The following CTBS variants were observed in gnomAD, a reference collection of about 807,000 sequenced individuals.
The protein encoded by CTBS is chitobiase.
CTBS carries 35 observed loss-of-function variants against 44.3 expected under a neutral mutation model. That is an observed-to-expected ratio of 0.79 (90% CI 0.60 to 1.05). The LOEUF is 1.05. CTBS is among the 50% of genes least tolerant of loss of function. CTBS has a pLI of 0.00. For missense variants in CTBS, 458 were observed against 475.3 expected (o/e 0.96, Z 0.34); for synonymous variants, 143 against 168.0 (o/e 0.85, Z 1.15).
intron 4 of CTBS, among the ~76,000 whole-genome samples, chr1:84,564,308 T>C (rs1684648537): frequency 6.6e-6 from 1 of 152,198 alleles, no homozygotes; most frequent in African/African-American, 2.4e-5. Context: ...GTGTCATCTA[T>C]AGTGGGAGGA....
chr1:84,571,772 G>A (rs1647307457), intron 1 of CTBS, among the ~76,000 whole-genome samples: 1 of 152,170 alleles, frequency 6.6e-6, no homozygotes, highest in Non-Finnish European at 1.5e-5. Flanking sequence ...CATATAAAGG[G>A]GACCTGCTAG....
intron 6 of CTBS, among the ~76,000 whole-genome samples, chr1:84,557,933 G>A (rs553070722): frequency 3.0e-4 from 45 of 151,740 alleles, no homozygotes; most frequent in Non-Finnish European, 5.6e-4. Context: ...CCTTCAATGC[G>A]CACCAAAATG....
intron 4 of CTBS, among the ~76,000 whole-genome samples, chr1:84,565,540 C>A (rs1684683754): frequency 6.6e-6 from 1 of 152,072 alleles, no homozygotes; most frequent in East Asian, 1.9e-4. Flanking sequence ...ATGAGAATAC[C>A]TGATTAAGCC....
Position 84,563,425 on chromosome 1 carries a change from A to G in CTBS, c.796-7T>C. 6.7e-7 allele frequency: 1 copy of G among 1,487,482 alleles called. No individual in the cohort carries two copies. The highest frequency in any genetic ancestry group is 8.9e-7 in the Non-Finnish European group (1 of 1,121,116). The allele number at this position is 1,487,482 out of a possible 1,614,324, so 92.1% of individuals were successfully genotyped here. A position where few individuals can be genotyped will look rare whatever the true frequency, so the allele number is the denominator to read the frequency against. The stretch of plus-strand genomic sequence containing the variant: ...CAATGGTACAAACATGATCCTAGAA[A>G]TGCAAAAGTGCTCATGTTATATATT... On this transcript the variant is annotated splice_region_variant and splice_polypyrimidine_tract_variant and intron_variant, in intron 5 of 6. Transcript: ENST00000370630.
intron 6 of CTBS, among the ~76,000 whole-genome samples, chr1:84,562,720 T>C (rs1283752787): frequency 6.6e-6 from 1 of 152,232 alleles, no homozygotes; most frequent in Non-Finnish European, 1.5e-5. Context: ...AGTGTATTTC[T>C]TCAGGTTTCC....
Position 84,550,746 on chromosome 1 carries a change from A to C in CTBS, c.*4253T>G. On this transcript the variant is annotated 3_prime_UTR_variant, in exon 7 of 7. Transcript: ENST00000370630. ...CATGATATAATAAAGCCAAAGTAAA[A>C]TTTAGTAAAATTTTACTAGGAAGAA... The C allele has an allele frequency of 9.1e-7, 1 of 1,094,238 alleles. No individual in the cohort carries two copies. Among genetic ancestry groups the C allele is most frequent in the Non-Finnish European group, 1.1e-6 (1 of 896,298 alleles). 67.8% of individuals were successfully genotyped at this position (1,094,238 alleles called of 1,614,324 possible).
Position 84,565,992 on chromosome 1 carries a change from C to A in CTBS, c.546G>T (p.Trp182Cys). 1 of 1,560,692 alleles carries A rather than the reference C, an allele frequency of 6.4e-7. No individual in the cohort carries two copies. The highest frequency in any genetic ancestry group is 1.9e-5 in the Admixed American group (1 of 53,318). The change falls in exon 4 of 7, where the codon TGG becomes TGT. Residue 182 changes from tryptophan (W) to cysteine (C), a missense_variant. Physicochemically the swap from Trp to Cys is radical, Grantham distance 215. Coordinates refer to ENST00000370630, the MANE Select transcript of CTBS (RefSeq NM_004388.3). ...EGSQVTFDVA[W>C]SPKNIDRRCY... ...ATCTTCTGTCTATGTTCTTTGGAGACCAAGCTACATCAAAGGTTACCTGTG... is the reference window on the plus strand; with the variant it reads ...ATCTTCTGTCTATGTTCTTTGGAGAACAAGCTACATCAAAGGTTACCTGTG...
intron 3 of CTBS, among the ~76,000 whole-genome samples, chr1:84,566,798 A>G (rs913120052): frequency 6.6e-6 from 1 of 151,948 alleles, no homozygotes; most frequent in African/African-American, 2.4e-5. Flanking sequence ...ACGCCCAGCT[A>G]ATTTTTTTGT....
chr1:84,556,181 T>C (rs1684423595), intron 6 of CTBS, among the ~76,000 whole-genome samples: 1 of 151,802 alleles, frequency 6.6e-6, no homozygotes, highest in Non-Finnish European at 1.5e-5. Context: ...ACTAACACAG[T>C]CTCTCTCAGG....
chr1:84,573,491 T>C (rs1017006362), intron 1 of CTBS, among the ~76,000 whole-genome samples: 1 of 152,236 alleles, frequency 6.6e-6, no homozygotes, highest in Non-Finnish European at 1.5e-5. Context: ...GTATATATAC[T>C]TTTTTACTGG....
intron 1 of CTBS, chr1:84,573,795 G>A (rs1327934571): frequency 2.8e-6 from 2 of 703,138 alleles, no homozygotes; most frequent in Non-Finnish European, 1.8e-6. Flanking sequence ...AAAGGAAAGG[G>A]CTAGCAGGTA....
At chr1:84,565,715 G>T in intron 4 of CTBS, 126 bp downstream of exon 4, 1 of 456,476 alleles carries the variant, frequency 2.2e-6, no homozygotes, top group Non-Finnish European at 3.3e-6. Flanking sequence ...ATTTTTACAT[G>T]TTTGAAGCAA....
At chr1:84,561,859 C>T (rs1011023394) in intron 6 of CTBS, among the ~76,000 whole-genome samples, 1 of 152,170 alleles carries the variant, frequency 6.6e-6, no homozygotes, top group Non-Finnish European at 1.5e-5. Flanking sequence ...AATGCTATTA[C>T]ACACTTAACA....
intron 6 of CTBS, among the ~76,000 whole-genome samples, chr1:84,557,561 A>AAG (rs1684478501): frequency 6.7e-6 from 1 of 149,680 alleles, no homozygotes; most frequent in African/African-American, 2.5e-5. Context: ...AAAGAAAAAA[A>AAG]AAAAAAGAAG....
chr1:84,555,073 A>G lies in CTBS; in HGVS notation c.1084T>C (p.Ser362Pro). The change falls in exon 7 of 7, where the codon TCT (serine) becomes CCT (proline). Residue 362 changes from serine to proline, a missense_variant. By Grantham distance (74) the Ser-to-Pro change is moderately conservative. Transcript: ENST00000370630. ...GMWNANCLDY[S>P]GDAVAKQQTE... ...TGCTGTTTGGCTACAGCATCTCCAG[A>G]GTAGTCAAGACAGTTTGCATTCCAC... The G allele has an allele frequency of 6.2e-7, 1 of 1,614,068 alleles. No homozygotes were observed. Among genetic ancestry groups the G allele is most frequent in the Middle Eastern group, 1.7e-4 (1 of 6,060 alleles).
chr1:84,565,715 G>A (rs1684686385), intron 4 of CTBS, 126 bp downstream of exon 4: 1 of 456,480 alleles, frequency 2.2e-6, no homozygotes, highest in East Asian at 6.0e-5. Flanking sequence ...ATTTTTACAT[G>A]TTTGAAGCAA....
At chr1:84,556,111 T>C (rs1684422336) in intron 6 of CTBS, 1 of 152,188 alleles carries the variant, frequency 6.6e-6, no homozygotes, top group African/African-American at 2.4e-5. Flanking sequence ...GATTCTGGTC[T>C]TATGTTCACC....
rs542829964 is a variant in CTBS, at chr1:84,562,288, G to A, written c.957+969C>T. 2.6e-5 allele frequency among the ~76,000 whole-genome samples: 4 copies of A among 152,288 alleles called. No individual in the cohort carries two copies. The South Asian group carries it at 8.3e-4, about 32-fold the overall frequency. On this transcript the variant is annotated intron_variant, in intron 6 of 6. Transcript: ENST00000370630. ...TGTAATATTAACAGTTCCCAGGACAGACTAATATAAACACTGTTTAGGAAA... is the reference window on the plus strand; with the variant it reads ...TGTAATATTAACAGTTCCCAGGACAAACTAATATAAACACTGTTTAGGAAA...
Position 84,563,810 on chromosome 1 carries a change from C to T in CTBS, c.720G>A (p.Met240Ile), listed in dbSNP as rs573845590. 27 of 1,607,292 alleles carry T rather than the reference C, an allele frequency of 1.7e-5. No homozygotes were observed. The South Asian group carries it at 2.8e-4, about 17-fold the overall frequency. The stretch of plus-strand genomic sequence containing the variant: ...TTACAAGTTTCTTAGGATTAATGCT[C>T]ATCTTGATGTAGTCATTATATCCTA... ...TLTGYNDYIK[M>I]SINPKKLVMG... is the part of the protein sequence containing the mutation. The change falls in exon 5 of 7, where the codon ATG becomes ATA. Residue 240 changes from methionine to isoleucine, a missense_variant. Transcript: ENST00000370630.
Sources: allele counts gnomAD v4.1 joint callset (sites outside exome capture counted in the v4.1 genomes callset), GRCh38; gene constraint gnomAD v4.1.1; transcripts MANE v1.5; gene names NCBI Gene and HGNC (gene_info 2026-07-23, HGNC 2026-07-21).